Variants in PLD2 observed in about 807,000 individuals in gnomAD.
PLD2 encodes phospholipase D2, also known as choline phosphatase 2.
In PLD2, 101 loss-of-function variants were observed where a neutral mutation model predicts 119.8. That is an observed-to-expected ratio of 0.84 (90% confidence interval 0.72 to 0.99). The LOEUF is 0.99. PLD2 is among the 50% of genes least tolerant of loss of function. The pLI, the probability that PLD2 is intolerant of heterozygous loss-of-function variation, is 0.00. For synonymous variants in PLD2, 494 were observed against 482.8 expected (o/e 1.02, Z -0.30); for missense variants, 1,164 against 1,226.8 (o/e 0.95, Z 0.76).
chr17:4,814,572 G>C (rs1270092524), intron 11 of PLD2, 61 bp from the exon 12 acceptor site: 2 of 1,612,378 alleles, frequency 1.2e-6, no homozygotes. Flanking sequence ...AGGAGGAGAA[G>C]GGGGGTGCAG....
chr17:4,812,295 G>T (rs1294629097), intron 10 of PLD2, among the ~76,000 whole-genome samples: 920 of 118,574 alleles, frequency 7.8e-3, no homozygotes, highest in Non-Finnish European at 0.012. Context: ...TTTTGTTTTG[G>T]TTTTTTTTTT....
chr17:4,818,484 C>G lies in PLD2; in HGVS notation c.2010-10C>G. 1 of 1,608,714 alleles carries G rather than the reference C, an allele frequency of 6.2e-7. No homozygotes were observed. The highest frequency in any genetic ancestry group is 8.5e-7 in the Non-Finnish European group (1 of 1,175,142). On this transcript the variant is annotated splice_polypyrimidine_tract_variant and intron_variant, in intron 19 of 24. Coordinates refer to ENST00000263088, the MANE Select transcript of PLD2 (RefSeq NM_002663.5). ...GACCAGTCGCACCTCTGACTCCACC[C>G]CCTCCCCAGACAGGGGTGGTGTTAC...
Position 4,808,172 on chromosome 17 carries a change from G to T in PLD2, c.240+58G>T. 5.0e-6 allele frequency: 8 copies of T among 1,594,258 alleles called. No homozygotes were observed. Among genetic ancestry groups the T allele is most frequent in the Non-Finnish European group, 6.9e-6 (8 of 1,166,370 alleles). On this transcript the variant is annotated intron_variant, in intron 3 of 24. Transcript: ENST00000263088. The surrounding 1 kb of genome is among the most constrained non-coding windows in gnomAD (Gnocchi z 4.1). ...GAGGGCGGCCCGGAATGGATCCAAG[G>T]TGGCTGGGCTGGCCCCAGGGAAGGG...
intron 12 of PLD2, among the ~76,000 whole-genome samples, chr17:4,815,083 G>A (rs1278338065): frequency 6.6e-6 from 1 of 152,150 alleles, no homozygotes; most frequent in East Asian, 1.9e-4. Flanking sequence ...GAAGAAGGAT[G>A]CATGGATGAT....
Position 4,823,058 on chromosome 17 carries a change from G to A in PLD2, c.*194G>A, listed in dbSNP as rs757612071. On this transcript the variant is annotated 3_prime_UTR_variant, in exon 25 of 25. Transcript: ENST00000263088. ...AAAAGGGCACTCCCAACCCTGGGCT[G>A]GGGAGGAGGAGAGAGTCCCAGAGCT... 3 of 568,528 alleles carry A rather than the reference G, an allele frequency of 5.3e-6. No homozygotes were observed. Among genetic ancestry groups the A allele is most frequent in the Admixed American group, 3.0e-5 (1 of 32,838 alleles). 35.2% of individuals were successfully genotyped at this position (568,528 alleles called of 1,614,324 possible). A position where few individuals can be genotyped will look rare whatever the true frequency, so the allele number is the denominator to read the frequency against.
In PLD2 at chr17:4,819,416, G is replaced by C; in HGVS notation, c.2309-13G>C. On this transcript the variant is annotated splice_polypyrimidine_tract_variant and intron_variant, in intron 22 of 24. Transcript: ENST00000263088. This position sits in a 1 kb window ranked among gnomAD's most constrained non-coding sequence, Gnocchi z 4.2. ...TGGGCCCAAGCACACAGTGTGCCCC[G>C]CATCCACCCCAGGTTCTGCAAACAT... is the stretch of plus-strand genomic sequence containing the variant. 2.5e-6 allele frequency: 4 copies of C among 1,611,844 alleles called. No homozygotes were observed. The highest frequency in any genetic ancestry group is 3.4e-6 in the Non-Finnish European group (4 of 1,178,992).
In PLD2 at chr17:4,819,371, G is replaced by A. The variant is rs541839528; in HGVS notation, c.2309-58G>A. On this transcript the variant is annotated intron_variant, in intron 22 of 24. Coordinates refer to ENST00000263088, the MANE Select transcript of PLD2 (RefSeq NM_002663.5). This position sits in a 1 kb window ranked among gnomAD's most constrained non-coding sequence, Gnocchi z 4.2. ...GGCCAGTGCTTTGGTAGAGGGGATG[G>A]GGTACTGGGGAGAGTGCCCTGGGCC... 1.2e-6 allele frequency: 2 copies of A among 1,607,750 alleles called. No individual in the cohort carries two copies. Among genetic ancestry groups the A allele is most frequent in the African/African-American group, 1.3e-5 (1 of 74,860 alleles).
Position 4,818,609 on chromosome 17 carries a change from T to C in PLD2, c.2123+2T>C. The C allele has an allele frequency of 6.2e-7, 1 of 1,608,002 alleles. No individual in the cohort carries two copies. Among genetic ancestry groups the C allele is most frequent in the Non-Finnish European group, 8.5e-7 (1 of 1,174,514 alleles). On this transcript the variant is annotated splice_donor_variant, in intron 20 of 24. Coordinates refer to ENST00000263088, the MANE Select transcript of PLD2 (RefSeq NM_002663.5). LOFTEE classifies it high-confidence loss of function. ...GGCCATTCTGCACTTTACTTACAGG[T>C]GACCCCCCAGGCGGACTCCAGCTCT...
chr17:4,817,208 G>A lies in PLD2; in HGVS notation c.1764G>A (p.Thr588=), dbSNP rs199719599. 107 of 1,613,878 alleles carry A rather than the reference G, an allele frequency of 6.6e-5. No homozygotes were observed. The highest frequency in any genetic ancestry group is 8.6e-5 in the Non-Finnish European group (101 of 1,179,944). Residue 588 remains threonine, a synonymous_variant, in exon 17 of 25, where the codon ACG becomes ACA. Transcript: ENST00000263088. The part of the protein sequence containing the change: ...YPYLLPKSTS[T]ANQLPFTLPG... ...ACCTGCTTCCCAAGTCTACCAGCAC[G>A]GCCAATCAGCTCCCCTTCACACTTC... is the stretch of plus-strand genomic sequence containing the variant.
Position 4,808,206 on chromosome 17 carries a change from A to T in PLD2, c.241-68A>T. ...CTGGCCCCAGGGAAGGGGCAAAAGG[A>T]GGGCTGGCCAGAGTGGGGAGGCGGG... On this transcript the variant is annotated intron_variant, in intron 3 of 24. Coordinates refer to ENST00000263088, the MANE Select transcript of PLD2 (RefSeq NM_002663.5). The surrounding 1 kb of genome is among the most constrained non-coding windows in gnomAD (Gnocchi z 4.1). The T allele has an allele frequency of 6.3e-7, 1 of 1,593,298 alleles. No individual in the cohort carries two copies. Among genetic ancestry groups the T allele is most frequent in the Non-Finnish European group, 8.6e-7 (1 of 1,166,384 alleles).
At chr17:4,816,497 G>C in intron 14 of PLD2, 123 bp from the exon 15 acceptor site, 4 of 1,024,764 alleles carry the variant, frequency 3.9e-6, no homozygotes, top group Admixed American at 3.7e-5. Context: ...TGGGGAATCA[G>C]ACCCTCTGTT....
At position 4,819,033 on chromosome 17, in the gene PLD2, C is replaced by A; in HGVS notation, c.2174-51C>A. 1.2e-6 allele frequency: 2 copies of A among 1,607,160 alleles called. No individual in the cohort carries two copies. The highest frequency in any genetic ancestry group is 1.7e-6 in the Non-Finnish European group (2 of 1,176,112). Reference sequence around the variant, plus strand: ...TGGAGTGAGAGGAGGTGGGACAGGGCCCTGTGCACACAGAGCCACCTCTCA... The same window carrying A: ...TGGAGTGAGAGGAGGTGGGACAGGGACCTGTGCACACAGAGCCACCTCTCA... On this transcript the variant is annotated intron_variant, in intron 21 of 24. Transcript: ENST00000263088. The surrounding 1 kb of genome is among the most constrained non-coding windows in gnomAD (Gnocchi z 4.2).
chr17:4,811,040 C>G, intron 10 of PLD2, 89 bp downstream of exon 10: 1 of 1,309,328 alleles, frequency 7.6e-7, no homozygotes, highest in Non-Finnish European at 1.0e-6. Flanking sequence ...CTTTTCTCAT[C>G]TGAACCCTCC....
At position 4,816,961 on chromosome 17, in the gene PLD2, C is replaced by T; in HGVS notation, c.1607C>T (p.Pro536Leu). 1 of 1,613,846 alleles carries T rather than the reference C, an allele frequency of 6.2e-7. No individual in the cohort carries two copies. The highest frequency in any genetic ancestry group is 8.5e-7 in the Non-Finnish European group (1 of 1,179,858). ...FEDFIDRETT[P>L]RMPWRDVGVV... is the part of the protein sequence containing the mutation. ...GATTTCATTGACAGGGAGACGACCC[C>T]TCGGATGCCATGGCGGGACGTTGGG... Residue 536 changes from proline to leucine, a missense_variant, in exon 16 of 25, where the codon CCT becomes CTT. Pro to Leu is a moderately conservative substitution (Grantham distance 98). Coordinates refer to ENST00000263088, the MANE Select transcript of PLD2 (RefSeq NM_002663.5).
rs749332290 is a variant in PLD2 at position 4,816,931 on chromosome 17, C to T, written c.1583-6C>T. ...CATCTCCCCTGACTCTCCTGGGACC[C>T]CCCAGATTTCATTGACAGGGAGACG... On this transcript the variant is annotated splice_region_variant and splice_polypyrimidine_tract_variant and intron_variant, in intron 15 of 24. Transcript: ENST00000263088. The T allele has an allele frequency of 6.2e-7, 1 of 1,610,208 alleles. No homozygotes were observed.
intron 21 of PLD2, 33 bp downstream of exon 21, chr17:4,818,856 G>A: frequency 6.2e-7 from 1 of 1,606,502 alleles, no homozygotes; most frequent in Non-Finnish European, 8.5e-7. Flanking sequence ...TCAAGCCCTG[G>A]GCCCCTGGGA....
At chr17:4,815,432 C>T (rs369992939) in intron 12 of PLD2, 44 bp from the exon 13 acceptor site, 18 of 1,201,640 alleles carry the variant, frequency 1.5e-5, no homozygotes, top group Non-Finnish European at 3.7e-6. Context: ...AAAGGGGCTA[C>T]TCTGGGAGAG....
chr17:4,822,353 A>C (rs961671212), intron 24 of PLD2, among the ~76,000 whole-genome samples: 2 of 151,806 alleles, frequency 1.3e-5, no homozygotes, highest in African/African-American at 4.8e-5. Flanking sequence ...TTAGCCGGGC[A>C]TGGTGGTGGG....
intron 10 of PLD2, among the ~76,000 whole-genome samples, chr17:4,812,520 C>G (rs1160689873): frequency 1.3e-5 from 2 of 151,818 alleles, no homozygotes; most frequent in Non-Finnish European, 2.9e-5. Flanking sequence ...GTCTCGATCT[C>G]CTGACTTCGT....
Sources: allele counts gnomAD v4.1 joint callset (sites outside exome capture counted in the v4.1 genomes callset), GRCh38; gene constraint gnomAD v4.1.1; non-coding constraint Gnocchi (gnomAD v3.1); transcripts MANE v1.5; gene names NCBI Gene and HGNC (gene_info 2026-07-23, HGNC 2026-07-21).